Variants in TAFA1 observed in about 807,000 individuals in gnomAD.
TAFA1 encodes the protein TAFA chemokine like family member 1.
In TAFA1, 4 loss-of-function variants were observed where a neutral mutation model predicts 18.5. The observed-to-expected ratio is 0.22, with a 90% CI of 0.11 to 0.49. The LOEUF is 0.49. Ranked by LOEUF, TAFA1 falls within the 20% of genes least tolerant of loss-of-function variation. TAFA1 has a pLI of 0.98. For missense variants in TAFA1, 147 were observed against 169.0 expected, an observed-to-expected ratio of 0.87 and a Z score of 0.72; for synonymous variants, 56 against 55.2, an observed-to-expected ratio of 1.01 and a Z score of -0.06.
chr3:68,132,949 A>G (rs1422971146), intron 2 of TAFA1, among the ~76,000 whole-genome samples: 1 of 152,078 alleles, frequency 6.6e-6, no homozygotes, highest in African/African-American at 2.4e-5. Context: ...GCTCATGCCT[A>G]TGTCCTGAAT....
At chr3:68,418,551 T>G (rs1187078643) in intron 3 of TAFA1, among the ~76,000 whole-genome samples, 1 of 151,898 alleles carries the variant, frequency 6.6e-6, no homozygotes, top group Non-Finnish European at 1.5e-5. Context: ...TTCACTTCTT[T>G]TGTGATTCTT....
rs573165931 is a variant in TAFA1, at chr3:68,210,891, G to A, written c.118+204147G>A. Reference sequence around the variant, plus strand: ...GCTGTGGTCATTGTCTCATGATGTTGTAATTCAAATATTGCCTGTGGCTAC... The same window carrying A: ...GCTGTGGTCATTGTCTCATGATGTTATAATTCAAATATTGCCTGTGGCTAC... On this transcript the variant is annotated intron_variant, in intron 2 of 4. Transcript: ENST00000478136. 3.3e-5 allele frequency among the ~76,000 whole-genome samples: 5 copies of A among 152,118 alleles called. No individual in the cohort carries two copies. In the South Asian group the frequency reaches 1.0e-3, roughly 32 times the overall value.
chr3:68,002,129 G>C (rs1184946744), upstream of TAFA1, among the ~76,000 whole-genome samples: 1 of 152,178 alleles, frequency 6.6e-6, no homozygotes, highest in East Asian at 1.9e-4. Flanking sequence ...TTTGAGTTGG[G>C]AGAATACACT....
chr3:68,464,102 G>A (rs954306662), intron 3 of TAFA1, among the ~76,000 whole-genome samples: 3 of 152,068 alleles, frequency 2.0e-5, no homozygotes, highest in African/African-American at 7.2e-5. Flanking sequence ...ATTGTCTTTA[G>A]CCAAGCAGGG....
chr3:68,386,102 T>C (rs925293353), intron 2 of TAFA1, among the ~76,000 whole-genome samples: 7 of 152,264 alleles, frequency 4.6e-5, no homozygotes, highest in Admixed American at 2.0e-4. Flanking sequence ...AGAAAAACTT[T>C]GCTGACTTGC....
intron 2 of TAFA1, among the ~76,000 whole-genome samples, chr3:68,212,679 C>G (rs2066611060): frequency 6.6e-6 from 1 of 151,942 alleles, no homozygotes; most frequent in African/African-American, 2.4e-5. Flanking sequence ...CCTGAAATTC[C>G]TTTTCTTGGT....
intron 2 of TAFA1, among the ~76,000 whole-genome samples, chr3:68,366,099 A>AAG (rs1210558973): frequency 0.012 from 1,743 of 151,214 alleles, 41 homozygotes; most frequent in African/African-American, 0.041. Flanking sequence ...AAAAAAAAAA[A>AAG]AAAAAGAAAC....
At chr3:68,259,862 A>C (rs1373089285) in intron 2 of TAFA1, among the ~76,000 whole-genome samples, 8 of 152,162 alleles carry the variant, frequency 5.3e-5, no homozygotes, top group Non-Finnish European at 1.2e-4. Flanking sequence ...TTTTCTAGAT[A>C]TACAATCATG....
chr3:68,001,649 C>T (rs1402845327), upstream of TAFA1, among the ~76,000 whole-genome samples: 1 of 150,300 alleles, frequency 6.7e-6, no homozygotes, highest in Non-Finnish European at 1.5e-5. Context: ...ACTTTTAAGA[C>T]ATAGTTGTGA....
chr3:68,265,573 C>T (rs759726617), intron 2 of TAFA1, among the ~76,000 whole-genome samples: 5 of 152,178 alleles, frequency 3.3e-5, no homozygotes, highest in African/African-American at 1.2e-4. Context: ...GGGGAAGGAA[C>T]TTTTCCAGGG....
At chr3:68,259,431 G>A (rs2107188780) in intron 2 of TAFA1, among the ~76,000 whole-genome samples, 1 of 152,258 alleles carries the variant, frequency 6.6e-6, no homozygotes. Flanking sequence ...CTCTTTTTTG[G>A]TTCCAGATGA....
intron 2 of TAFA1, among the ~76,000 whole-genome samples, chr3:68,092,462 C>T (rs753762275): frequency 2.6e-5 from 4 of 152,152 alleles, no homozygotes; most frequent in East Asian, 1.9e-4. Flanking sequence ...GGGTGAAGGA[C>T]GACTTCTTGG....
intron 2 of TAFA1, among the ~76,000 whole-genome samples, chr3:68,243,340 G>T (rs2067025568): frequency 6.6e-6 from 1 of 151,754 alleles, no homozygotes. Context: ...GTACTCATTT[G>T]CATGTGTGTG....
At chr3:68,284,929 G>A (rs1355258142) in intron 2 of TAFA1, among the ~76,000 whole-genome samples, 1 of 151,982 alleles carries the variant, frequency 6.6e-6, no homozygotes, top group Non-Finnish European at 1.5e-5. Flanking sequence ...AATTAGCCAT[G>A]GACAATTAAA....
chr3:68,159,716 A>G (rs921005788), intron 2 of TAFA1, among the ~76,000 whole-genome samples: 1 of 152,176 alleles, frequency 6.6e-6, no homozygotes, highest in Admixed American at 6.5e-5. Context: ...TATGCCCACT[A>G]CAAACTTTCT....
chr3:68,218,467 T>A (rs1037013772), intron 2 of TAFA1, among the ~76,000 whole-genome samples: 8 of 152,064 alleles, frequency 5.3e-5, no homozygotes, highest in African/African-American at 1.9e-4. Flanking sequence ...GGATGAGGAA[T>A]GAGTCGATGG....
At chr3:68,338,199 C>A (rs2069009511) in intron 2 of TAFA1, among the ~76,000 whole-genome samples, 1 of 152,082 alleles carries the variant, frequency 6.6e-6, no homozygotes, top group Non-Finnish European at 1.5e-5. Context: ...TGGAACTCAT[C>A]CATCACATTT....
intron 2 of TAFA1, among the ~76,000 whole-genome samples, chr3:68,347,358 G>A (rs930303976): frequency 6.6e-6 from 1 of 152,138 alleles, no homozygotes; most frequent in African/African-American, 2.4e-5. Flanking sequence ...CAGGGCAAAG[G>A]CAAGAGTTTT....
At chr3:68,506,297 A>T (rs2072752913) in intron 3 of TAFA1, among the ~76,000 whole-genome samples, 1 of 152,096 alleles carries the variant, frequency 6.6e-6, no homozygotes. Flanking sequence ...ACTGATGGAC[A>T]TTTGGGTTGG....
Sources: gnomAD v4.1 joint callset for allele counts (sites outside exome capture counted in the v4.1 genomes callset) on GRCh38, gnomAD v4.1.1 for gene constraint, MANE v1.5 for transcripts, NCBI Gene and HGNC (gene_info 2026-07-23, HGNC 2026-07-21) for gene names.